FLI1: variants seen among roughly 807,000 people sequenced by gnomAD.
FLI1 encodes Fli-1 proto-oncogene, ETS transcription factor.
A neutral mutation model predicts 53.1 loss-of-function variants in FLI1; 13 were observed. The observed-to-expected ratio is 0.24, with a 90% CI of 0.16 to 0.39. FLI1 has a LOEUF of 0.39. FLI1 is among the 10% of genes least tolerant of loss of function. The pLI, the probability that FLI1 is intolerant of heterozygous loss-of-function variation, is 1.00. For synonymous variants in FLI1, 244 were observed against 236.7 expected (o/e 1.03, Z -0.28); for missense variants, 424 against 600.5 (o/e 0.71, Z 3.07).
intron 7 of FLI1, among the ~76,000 whole-genome samples, chr11:128,808,307 G>A (rs527594919): frequency 1.2e-3 from 188 of 152,178 alleles, no homozygotes; most frequent in Admixed American, 2.2e-3. Flanking sequence ...AATTATAGTT[G>A]AAAAATAGCA....
chr11:128,794,248 T>G (rs1448197579), intron 5 of FLI1, among the ~76,000 whole-genome samples: 3 of 151,884 alleles, frequency 2.0e-5, no homozygotes, highest in Non-Finnish European at 4.4e-5. Flanking sequence ...AGGAGAAGGG[T>G]CCCAAAATAC....
chr11:128,796,306 T>C (rs781306594), intron 5 of FLI1, among the ~76,000 whole-genome samples: 9 of 152,230 alleles, frequency 5.9e-5, no homozygotes, highest in Non-Finnish European at 1.2e-4. Context: ...GCTTAAGAAG[T>C]CTTCGGCCTT....
chr11:128,731,936 G>A (rs1939714689), intron 1 of FLI1, among the ~76,000 whole-genome samples: 1 of 151,810 alleles, frequency 6.6e-6, no homozygotes, highest in African/African-American at 2.4e-5. Flanking sequence ...CCGGGAGGCG[G>A]AGGTTGCAGT....
intron 6 of FLI1, 106 bp downstream of exon 6, chr11:128,805,537 CT>C (rs1322248134): frequency 1.5e-6 from 1 of 681,136 alleles, no homozygotes; most frequent in Non-Finnish European, 2.5e-6. Flanking sequence ...TGTTTCCCTG[CT>C]TTTTGAGTAG....
chr11:128,707,177 C>T (rs1327045508), intron 1 of FLI1, among the ~76,000 whole-genome samples: 1 of 152,156 alleles, frequency 6.6e-6, no homozygotes, highest in Non-Finnish European at 1.5e-5. Flanking sequence ...CAGCACGATA[C>T]TCTGTCAATA....
chr11:128,780,966 C>CAACCT (rs1165113981), intron 4 of FLI1, among the ~76,000 whole-genome samples: 1 of 152,140 alleles, frequency 6.6e-6, no homozygotes, highest in Admixed American at 6.5e-5. Context: ...CTAAGTTTCA[C>CAACCT]AAAATACAAC....
chr11:128,786,432 C>G (rs1417670032), intron 5 of FLI1, among the ~76,000 whole-genome samples: 1 of 152,176 alleles, frequency 6.6e-6, no homozygotes, highest in Admixed American at 6.5e-5. Flanking sequence ...ACTGTACGTT[C>G]GTACATCTCA....
At chr11:128,724,916 C>A (rs1939410257) in intron 1 of FLI1, among the ~76,000 whole-genome samples, 1 of 152,140 alleles carries the variant, frequency 6.6e-6, no homozygotes, top group African/African-American at 2.4e-5. Flanking sequence ...ATTAAGCCTG[C>A]AGAGAATGAT....
intron 5 of FLI1, among the ~76,000 whole-genome samples, chr11:128,790,213 G>A (rs1456281387): frequency 1.3e-5 from 2 of 148,816 alleles, no homozygotes; most frequent in East Asian, 1.9e-4. Context: ...CTGAGTTAAT[G>A]TTCTGTCTGC....
chr11:128,710,745 C>G (rs1312002867), intron 1 of FLI1, among the ~76,000 whole-genome samples: 1 of 152,180 alleles, frequency 6.6e-6, no homozygotes, highest in African/African-American at 2.4e-5. Context: ...ACCTTAACTA[C>G]ATAAAAAAAT....
At chr11:128,729,535 G>A (rs1283961239) in intron 1 of FLI1, among the ~76,000 whole-genome samples, 1 of 152,226 alleles carries the variant, frequency 6.6e-6, no homozygotes, top group African/African-American at 2.4e-5. Flanking sequence ...GGAGGTATGT[G>A]AGGCATATGG....
intron 2 of FLI1, among the ~76,000 whole-genome samples, chr11:128,766,970 G>A (rs955626033): frequency 2.0e-5 from 3 of 151,938 alleles, no homozygotes; most frequent in African/African-American, 4.8e-5. Context: ...CCTTCCCATC[G>A]TCTCCTTTGG....
chr11:128,760,208 A>G (rs1941053127), intron 2 of FLI1, among the ~76,000 whole-genome samples: 1 of 152,172 alleles, frequency 6.6e-6, no homozygotes, highest in African/African-American at 2.4e-5. Flanking sequence ...CCACTATACT[A>G]AGAAGTAGTT....
At chr11:128,757,133 AAC>A (rs1447486355) in intron 1 of FLI1, among the ~76,000 whole-genome samples, 2 of 127,550 alleles carry the variant, frequency 1.6e-5, no homozygotes, top group African/African-American at 5.9e-5. Flanking sequence ...TTTTTGTAGA[AAC>A]ACAGTTTTGC....
chr11:128,689,416 G>A (rs1937650985), upstream of FLI1, among the ~76,000 whole-genome samples: 1 of 152,112 alleles, frequency 6.6e-6, no homozygotes, highest in African/African-American at 2.4e-5. Flanking sequence ...GTACCCCCCA[G>A]GTTCCTTGCT....
At chr11:128,797,990 C>T (rs2135899840) in intron 5 of FLI1, among the ~76,000 whole-genome samples, 1 of 152,198 alleles carries the variant, frequency 6.6e-6, no homozygotes, top group South Asian at 2.1e-4. Context: ...AGTGTATCCC[C>T]TATGGCCAAG....
Position 128,758,216 on chromosome 11 carries a change from T to C in FLI1, c.120T>C (p.Pro40=). ...CCGACATGACTGCCTCGGGGAGTCC[T>C]GACTACGGGCAGCCCCACAAGATCA... The part of the protein sequence containing the change: ...PKADMTASGS[P]DYGQPHKINP... Residue 40 remains proline, a synonymous_variant, in exon 2 of 9, where the codon CCT becomes CCC. Coordinates refer to ENST00000527786, the MANE Select transcript of FLI1 (RefSeq NM_002017.5). The C allele has an allele frequency of 6.2e-7, 1 of 1,613,354 alleles. No individual in the cohort carries two copies. The highest frequency in any genetic ancestry group is 8.5e-7 in the Non-Finnish European group (1 of 1,179,606).
At chr11:128,799,756 T>A (rs781268714) in intron 5 of FLI1, among the ~76,000 whole-genome samples, 21 of 151,982 alleles carry the variant, frequency 1.4e-4, no homozygotes, top group Non-Finnish European at 2.5e-4. Context: ...GAGCTGTGGG[T>A]TGGGAAGGTT....
At chr11:128,788,944 A>G (rs538696713) in intron 5 of FLI1, among the ~76,000 whole-genome samples, 3 of 152,220 alleles carry the variant, frequency 2.0e-5, no homozygotes, top group Admixed American at 2.0e-4. Flanking sequence ...CAGCTAAGTA[A>G]GTAAGGAACT....
Sources: gnomAD v4.1 joint callset for allele counts (sites outside exome capture counted in the v4.1 genomes callset) on GRCh38, gnomAD v4.1.1 for gene constraint, MANE v1.5 for transcripts, NCBI Gene and HGNC (gene_info 2026-07-23, HGNC 2026-07-21) for gene names.